The following LGR5 variants were observed in gnomAD, a reference collection of about 807,000 sequenced individuals.
LGR5 encodes leucine rich repeat containing G protein-coupled receptor 5, also known as leucine-rich repeat-containing G protein-coupled receptor 5.
In LGR5, 54 loss-of-function variants were observed where a neutral mutation model predicts 76.7. The observed-to-expected ratio is 0.70, with a 90% confidence interval of 0.57 to 0.88. The LOEUF is 0.88. Ranked by LOEUF, LGR5 falls within the 40% of genes least tolerant of loss-of-function variation. LGR5 has a pLI of 0.00. For missense variants in LGR5, 1,078 were observed against 1,073.3 expected, an observed-to-expected ratio of 1.00 and a Z score of -0.06; for synonymous variants, 406 against 421.9, an observed-to-expected ratio of 0.96 and a Z score of 0.46.
At chr12:71,521,285 T>C (rs546897670) in intron 2 of LGR5, among the ~76,000 whole-genome samples, 1 of 152,330 alleles carries the variant, frequency 6.6e-6, no homozygotes, top group South Asian at 2.1e-4. Flanking sequence ...TAAATAATCC[T>C]TCAATCCTTG....
chr12:71,538,199 T>C (rs755726013), intron 4 of LGR5, among the ~76,000 whole-genome samples: 4 of 152,186 alleles, frequency 2.6e-5, no homozygotes, highest in Non-Finnish European at 4.4e-5. Flanking sequence ...AAGCCTAGAC[T>C]GCAGCCTAGA....
intron 1 of LGR5, among the ~76,000 whole-genome samples, chr12:71,502,193 CTTTTTTT>C (rs776486573): frequency 8.1e-6 from 1 of 123,168 alleles, no homozygotes; most frequent in Non-Finnish European, 1.7e-5. Context: ...AGGTACTTTC[CTTTTTTT>C]TTTTTTTTTT....
intron 2 of LGR5, among the ~76,000 whole-genome samples, chr12:71,511,972 G>A (rs751637001): frequency 4.6e-5 from 7 of 150,872 alleles, no homozygotes; most frequent in African/African-American, 1.5e-4. Context: ...TGGGTAACTC[G>A]TTTTTGGTTT....
chr12:71,502,979 T>C (rs778577657), intron 1 of LGR5, among the ~76,000 whole-genome samples: 2 of 152,200 alleles, frequency 1.3e-5, no homozygotes, highest in South Asian at 4.1e-4. Flanking sequence ...ACCATATGTC[T>C]TGATGTCGAG....
chr12:71,453,464 C>CA (rs1254641831), intron 1 of LGR5, among the ~76,000 whole-genome samples: 5 of 138,306 alleles, frequency 3.6e-5, no homozygotes, highest in African/African-American at 7.9e-5. Flanking sequence ...TTATCCTTTC[C>CA]TTTTTTTTTT....
chr12:71,461,043 C>G (rs1004103685), intron 1 of LGR5, among the ~76,000 whole-genome samples: 3 of 152,190 alleles, frequency 2.0e-5, no homozygotes, highest in Non-Finnish European at 4.4e-5. Context: ...CTCCTTGCCA[C>G]AGCATCCACA....
At chr12:71,571,649 G>T (rs1307212781) in intron 12 of LGR5, 70 bp downstream of exon 12, 2 of 1,138,688 alleles carry the variant, frequency 1.8e-6, no homozygotes. Context: ...CAGGGTCACT[G>T]GTTCATTTAC....
At chr12:71,544,310 C>CTTTTTTTTTTTTTTTTTTTTT (rs1877041827) in intron 4 of LGR5, among the ~76,000 whole-genome samples, 1 of 34,700 alleles carries the variant, frequency 2.9e-5, no homozygotes, top group South Asian at 9.7e-4. Context: ...TTTTTTTCTT[C>CTTTTTTTTTTTTTTTTTTTTT]TTCTTCTTTT....
chr12:71,475,408 T>C (rs1873284689), intron 1 of LGR5, among the ~76,000 whole-genome samples: 1 of 152,144 alleles, frequency 6.6e-6, no homozygotes, highest in South Asian at 2.1e-4. Context: ...AGTCCTAGAG[T>C]GGCTCCCAGA....
intron 11 of LGR5, 66 bp from the exon 12 acceptor site, chr12:71,571,448 G>A: frequency 8.2e-7 from 1 of 1,214,764 alleles, no homozygotes; most frequent in African/African-American, 1.5e-5. Flanking sequence ...GAAAAGGAGA[G>A]CAAAGCATGT....
intron 2 of LGR5, among the ~76,000 whole-genome samples, chr12:71,514,511 T>A (rs1875337368): frequency 6.9e-6 from 1 of 145,410 alleles, no homozygotes; most frequent in Admixed American, 7.2e-5. Context: ...GAGCTTGCAG[T>A]GAGCCCAGAT....
chr12:71,462,346 T>C (rs1872715853), intron 1 of LGR5, among the ~76,000 whole-genome samples: 1 of 152,162 alleles, frequency 6.6e-6, no homozygotes, highest in Admixed American at 6.5e-5. Context: ...GTGTCTTCAT[T>C]AGCAGATTGA....
intron 5 of LGR5, among the ~76,000 whole-genome samples, chr12:71,554,677 A>C (rs1877669206): frequency 1.3e-5 from 2 of 152,198 alleles, no homozygotes; most frequent in South Asian, 4.1e-4. Flanking sequence ...TAAAGGCAAG[A>C]TGGAGTCGGT....
At chr12:71,483,088 A>G (rs2137263745) in intron 1 of LGR5, among the ~76,000 whole-genome samples, 1 of 151,640 alleles carries the variant, frequency 6.6e-6, no homozygotes, top group Admixed American at 6.6e-5. Context: ...CTGTTATAAG[A>G]AAAAAAAAGG....
In LGR5 at chr12:71,440,642, C is replaced by G. The variant is rs1043353094; in HGVS notation, c.212+350C>G. Reference sequence around the variant, plus strand: ...CATTTGTGACCCAGAGCCTGGTACCCAAAGGCAGGCTGCCATCTGGTCCCC... The same window carrying G: ...CATTTGTGACCCAGAGCCTGGTACCGAAAGGCAGGCTGCCATCTGGTCCCC... On this transcript the variant is annotated intron_variant, in intron 1 of 17. Transcript: ENST00000266674. The surrounding 1 kb of genome is among the most constrained non-coding windows in gnomAD (Gnocchi z 5.3). 4.6e-5 allele frequency among the ~76,000 whole-genome samples: 7 copies of G among 152,170 alleles called. No individual in the cohort carries two copies. Among genetic ancestry groups the G allele is most frequent in the African/African-American group, 1.4e-4 (6 of 41,456 alleles).
chr12:71,570,234 T>A (rs1345470109), intron 11 of LGR5, among the ~76,000 whole-genome samples: 1 of 152,116 alleles, frequency 6.6e-6, no homozygotes, highest in Non-Finnish European at 1.5e-5. Flanking sequence ...GATGGGCTGA[T>A]AGGTGCAGTA....
At chr12:71,478,966 G>C (rs1278495824) in intron 1 of LGR5, among the ~76,000 whole-genome samples, 1 of 152,108 alleles carries the variant, frequency 6.6e-6, no homozygotes, top group Admixed American at 6.6e-5. Context: ...TCTATTTCAC[G>C]AAGGACATTT....
intron 1 of LGR5, among the ~76,000 whole-genome samples, chr12:71,504,364 G>A (rs1447568958): frequency 1.3e-5 from 2 of 152,210 alleles, no homozygotes; most frequent in Non-Finnish European, 2.9e-5. Context: ...CCATGCCCAT[G>A]AATGGTCTAA....
intron 1 of LGR5, among the ~76,000 whole-genome samples, chr12:71,472,841 ATG>A (rs1873158413): frequency 6.6e-6 from 1 of 152,202 alleles, no homozygotes; most frequent in South Asian, 2.1e-4. Flanking sequence ...GTAGCAAAAT[ATG>A]TGTTACACAT....
Sources: allele counts gnomAD v4.1 joint callset (sites outside exome capture counted in the v4.1 genomes callset), GRCh38; gene constraint gnomAD v4.1.1; non-coding constraint Gnocchi (gnomAD v3.1); transcripts MANE v1.5; gene names NCBI Gene and HGNC (gene_info 2026-07-23, HGNC 2026-07-21).